The following SNX29 variants were observed in gnomAD, a reference collection of about 807,000 sequenced individuals.
The protein encoded by SNX29 is sorting nexin 29, also known as sorting nexin-29.
Under a neutral mutation model 102.1 loss-of-function variants are expected in SNX29, and 78 were observed. That is an observed-to-expected ratio of 0.76 (90% CI 0.64 to 0.92). The LOEUF (loss-of-function observed/expected upper bound fraction) is 0.92. SNX29 is among the 40% of genes least tolerant of loss of function. SNX29 has a pLI of 0.00. For synonymous variants in SNX29, 580 were observed against 414.5 expected, an observed-to-expected ratio of 1.40 and a Z score of -4.85; for missense variants, 1,280 against 1,061.7, an observed-to-expected ratio of 1.21 and a Z score of -2.86.
At position 12,548,559 on chromosome 16, in the gene SNX29, C is replaced by G. The variant is rs547431439; in HGVS notation, c.2319-19947C>G. 2.6e-5 allele frequency among the ~76,000 whole-genome samples: 4 copies of G among 152,284 alleles called. No individual in the cohort carries two copies. In the East Asian group the frequency reaches 5.8e-4, roughly 22 times the overall value. On this transcript the variant is annotated intron_variant, in intron 20 of 20. Transcript: ENST00000566228. Reference sequence around the variant, plus strand: ...TCTGGGAATTCCCTCTAGGGATTTTCTATGATGCTGGCTTCCCTGTAAGTC... The same window carrying G: ...TCTGGGAATTCCCTCTAGGGATTTTGTATGATGCTGGCTTCCCTGTAAGTC...
chr16:12,542,742 C>G (rs976584120), intron 20 of SNX29, among the ~76,000 whole-genome samples: 1 of 138,674 alleles, frequency 7.2e-6, no homozygotes, highest in Admixed American at 7.5e-5. Flanking sequence ...TGCATATAAG[C>G]ACTAGACTAT....
chr16:12,445,642 C>T (rs574535850), intron 18 of SNX29, among the ~76,000 whole-genome samples: 62 of 152,232 alleles, frequency 4.1e-4, no homozygotes, highest in African/African-American at 1.4e-3. Context: ...TTTTCACTTA[C>T]AAAAAAATAG....
chr16:12,207,786 G>T (rs1462334896), intron 14 of SNX29, among the ~76,000 whole-genome samples: 1 of 152,098 alleles, frequency 6.6e-6, no homozygotes, highest in East Asian at 1.9e-4. Context: ...TGTGGTGCTT[G>T]CTACGAGCAG....
intron 4 of SNX29, among the ~76,000 whole-genome samples, chr16:12,035,590 G>A (rs936027727): frequency 1.3e-5 from 2 of 152,138 alleles, no homozygotes; most frequent in Non-Finnish European, 2.9e-5. Flanking sequence ...TGACAGATTT[G>A]GGAGCACTTG....
chr16:12,548,312 C>G (rs1264265289), intron 20 of SNX29, among the ~76,000 whole-genome samples: 1 of 152,182 alleles, frequency 6.6e-6, no homozygotes, highest in Non-Finnish European at 1.5e-5. Context: ...TGGAGCCCTA[C>G]TCTCCTGGCT....
chr16:12,381,451 C>T (rs1283878163), intron 16 of SNX29, among the ~76,000 whole-genome samples: 1 of 70,848 alleles, frequency 1.4e-5, no homozygotes, highest in Non-Finnish European at 2.6e-5. Flanking sequence ...CATTCATCTA[C>T]CCACCCATCA....
At chr16:12,302,724 T>TC (rs1026967245) in intron 15 of SNX29, among the ~76,000 whole-genome samples, 1 of 152,240 alleles carries the variant, frequency 6.6e-6, no homozygotes, top group African/African-American at 2.4e-5. Flanking sequence ...GACCATAGTT[T>TC]CTCCTGTTCT....
chr16:12,451,068 T>G (rs2151714223), intron 18 of SNX29, among the ~76,000 whole-genome samples: 1 of 152,264 alleles, frequency 6.6e-6, no homozygotes, highest in South Asian at 2.1e-4. Flanking sequence ...AAAGTACGTC[T>G]CCTGCCCCCA....
chr16:12,407,232 C>T (rs868179045), intron 18 of SNX29, among the ~76,000 whole-genome samples: 1 of 152,210 alleles, frequency 6.6e-6, no homozygotes, highest in African/African-American at 2.4e-5. Context: ...CTGTGTCACT[C>T]TCTTACCTCT....
chr16:12,012,484 C>G (rs2056687068), intron 3 of SNX29, among the ~76,000 whole-genome samples: 1 of 152,144 alleles, frequency 6.6e-6, no homozygotes, highest in Non-Finnish European at 1.5e-5. Flanking sequence ...TCTTGGCTCA[C>G]TGCAACCTCC....
At chr16:12,155,469 C>G (rs931517679) in intron 13 of SNX29, among the ~76,000 whole-genome samples, 11 of 152,064 alleles carry the variant, frequency 7.2e-5, no homozygotes, top group African/African-American at 2.7e-4. Flanking sequence ...GGGGATTTGG[C>G]TTGGTTAAAG....
intron 18 of SNX29, among the ~76,000 whole-genome samples, chr16:12,426,743 G>A (rs2151610398): frequency 6.6e-6 from 1 of 152,310 alleles, no homozygotes; most frequent in African/African-American, 2.4e-5. Context: ...TCAGCTCACT[G>A]CAGCCTCTGC....
At chr16:12,158,484 G>A (rs1008594202) in intron 13 of SNX29, among the ~76,000 whole-genome samples, 6 of 152,216 alleles carry the variant, frequency 3.9e-5, no homozygotes, top group Admixed American at 2.0e-4. Context: ...ACAGGCGTGA[G>A]CCAGTGCACC....
chr16:12,568,763 G>A lies in SNX29; in HGVS notation c.*134G>A. The A allele has an allele frequency of 1.5e-6, 2 of 1,322,870 alleles. No individual in the cohort carries two copies. Among genetic ancestry groups the A allele is most frequent in the Non-Finnish European group, 1.0e-6 (1 of 985,812 alleles). The allele number at this position is 1,322,870 out of a possible 1,614,324, so 81.9% of individuals were successfully genotyped here. A position where few individuals can be genotyped will look rare whatever the true frequency, so the allele number is the denominator to read the frequency against. On this transcript the variant is annotated 3_prime_UTR_variant, in exon 21 of 21. Coordinates refer to ENST00000566228, the MANE Select transcript of SNX29 (RefSeq NM_032167.5). ...TCCTGAGAGCACACGATTCCCAACA[G>A]TTACACAACACCCCGATTAAACTAA...
At chr16:12,312,707 G>C (rs1386494445) in intron 15 of SNX29, among the ~76,000 whole-genome samples, 6 of 151,800 alleles carry the variant, frequency 4.0e-5, no homozygotes, top group Non-Finnish European at 7.4e-5. Flanking sequence ...GAGCTTCCAA[G>C]TGGTCCTATT....
intron 20 of SNX29, among the ~76,000 whole-genome samples, chr16:12,539,744 A>G (rs1223269484): frequency 1.3e-5 from 2 of 152,194 alleles, no homozygotes; most frequent in Non-Finnish European, 2.9e-5. Context: ...GATGCAGAAT[A>G]TTTCATCATG....
At chr16:12,367,855 C>T (rs1274209632) in intron 16 of SNX29, among the ~76,000 whole-genome samples, 1 of 152,140 alleles carries the variant, frequency 6.6e-6, no homozygotes, top group African/African-American at 2.4e-5. Context: ...TTAAGAGGGG[C>T]TACTAAAAAT....
chr16:11,983,223 G>A (rs935422409), intron 1 of SNX29, among the ~76,000 whole-genome samples: 11 of 147,646 alleles, frequency 7.5e-5, no homozygotes, highest in Admixed American at 2.8e-4. Context: ...GAGCCACTGC[G>A]CCTGGGTTAC....
chr16:12,133,753 C>G (rs1200705021), intron 13 of SNX29, among the ~76,000 whole-genome samples: 1 of 152,088 alleles, frequency 6.6e-6, no homozygotes, highest in Non-Finnish European at 1.5e-5. Flanking sequence ...ATTATGGCAC[C>G]TTACTTCATC....
Sources: allele counts gnomAD v4.1 joint callset (sites outside exome capture counted in the v4.1 genomes callset), GRCh38; gene constraint gnomAD v4.1.1; transcripts MANE v1.5; gene names NCBI Gene and HGNC (gene_info 2026-07-23, HGNC 2026-07-21).